The following RPS6KA4 variants were observed in gnomAD, a reference collection of about 807,000 sequenced individuals.
RPS6KA4 encodes ribosomal protein S6 kinase alpha-4.
In RPS6KA4, 38 loss-of-function variants were observed where a neutral mutation model predicts 89.6. The ratio of observed to expected loss-of-function variants is 0.42; its 90% CI spans 0.33 to 0.56. The LOEUF (loss-of-function observed/expected upper bound fraction) is 0.56, where lower values mean the gene tolerates loss of function less well. Among genes scored for constraint, RPS6KA4 ranks in the 20% least tolerant of loss-of-function variants. The pLI is 0.07. For missense variants in RPS6KA4, 873 were observed against 1,098.8 expected, an observed-to-expected ratio of 0.79 and a Z score of 2.90; for synonymous variants, 495 against 492.8, an observed-to-expected ratio of 1.00 and a Z score of -0.06.
chr11:64,359,228 C>T lies in RPS6KA4; in HGVS notation c.-8C>T, dbSNP rs527580758. The T allele has an allele frequency of 1.3e-5, 17 of 1,354,046 alleles. No homozygotes were observed. The Admixed American group carries it at 3.1e-4, about 25-fold the overall frequency. 83.9% of individuals were successfully genotyped at this position (1,354,046 alleles called of 1,614,324 possible). On this transcript the variant is annotated 5_prime_UTR_variant, in exon 1 of 17. Transcript: ENST00000334205. Reference sequence around the variant, plus strand: ...CCGAGCCGCGCGGGCCCCAGCGACCCGCCCGCCATGGGGGACGAGGACGAC... The same window carrying T: ...CCGAGCCGCGCGGGCCCCAGCGACCTGCCCGCCATGGGGGACGAGGACGAC...
Position 64,368,739 on chromosome 11 carries a change from T to A in RPS6KA4, c.1370T>A (p.Leu457Gln). The A allele has an allele frequency of 4.4e-6, 7 of 1,574,906 alleles. No individual in the cohort carries two copies. Among genetic ancestry groups the A allele is most frequent in the Non-Finnish European group, 6.0e-6 (7 of 1,160,678 alleles). ...EANTQREVAALRLCQSHPNVV... is the reference protein window; with the variant it reads ...EANTQREVAAQRLCQSHPNVV... ...AACACGCAGCGCGAAGTGGCTGCCCTGCGCCTGTGCCAGTCACACCCCAAC... is the reference window on the plus strand; with the variant it reads ...AACACGCAGCGCGAAGTGGCTGCCCAGCGCCTGTGCCAGTCACACCCCAAC... The change falls in exon 12 of 17, where the codon CTG becomes CAG. Residue 457 changes from leucine to glutamine, a missense_variant. This residue lies in a region of RPS6KA4 where 542 missense variants were observed against 736.4 expected (regional missense o/e 0.74). Transcript: ENST00000334205.
chr11:64,359,578 C>T lies in RPS6KA4; in HGVS notation c.127+129C>T, dbSNP rs1591308331. Reference sequence around the variant, plus strand: ...CCTTTCCCGGCACAGCCTGCCTTGCCTGCCCCGCCCTGCCTCGCCAGAGTT... The same window carrying T: ...CCTTTCCCGGCACAGCCTGCCTTGCTTGCCCCGCCCTGCCTCGCCAGAGTT... On this transcript the variant is annotated intron_variant, in intron 2 of 16. Transcript: ENST00000334205. 2.0e-5 allele frequency: 18 copies of T among 905,590 alleles called. No individual in the cohort carries two copies. In the East Asian group the frequency reaches 4.8e-4, roughly 24 times the overall value. The allele number at this position is 905,590 out of a possible 1,614,324, so 56.1% of individuals were successfully genotyped here.
At position 64,371,848 on chromosome 11, in the gene RPS6KA4, T is replaced by G; in HGVS notation, c.*368T>G. On this transcript the variant is annotated 3_prime_UTR_variant, in exon 17 of 17. Transcript: ENST00000334205. ...TCCTAAACTGGGACCCCCTACCCTG[T>G]TCTCCCCTGAGGCCCCGTTCCTGGG... 5.7e-6 allele frequency: 1 copy of G among 175,372 alleles called. No homozygotes were observed. Among genetic ancestry groups the G allele is most frequent in the Non-Finnish European group, 1.2e-5 (1 of 83,560 alleles). The allele number at this position is 175,372 out of a possible 1,614,324, so 10.9% of individuals were successfully genotyped here. A position where few individuals can be genotyped will look rare whatever the true frequency, so the allele number is the denominator to read the frequency against.
chr11:64,364,129 A>G (rs966477043), intron 8 of RPS6KA4, among the ~76,000 whole-genome samples: 2 of 148,382 alleles, frequency 1.3e-5, no homozygotes, highest in African/African-American at 5.0e-5. Context: ...CAGGAATCCA[A>G]ACTCTTCCTC....
In RPS6KA4 at chr11:64,361,281, T is replaced by A. The variant is rs1482037447; in HGVS notation, c.570+40T>A. The A allele has an allele frequency of 6.4e-7, 1 of 1,553,890 alleles. No homozygotes were observed. The highest frequency in any genetic ancestry group is 1.7e-5 in the Admixed American group (1 of 59,242). ...CCTCTGCCTGCAGTGCCCCATTCAA[T>A]CCTTCTCCTTCCTGCCTCTTCCTGC... is the stretch of plus-strand genomic sequence containing the variant. On this transcript the variant is annotated intron_variant, in intron 5 of 16. Coordinates refer to ENST00000334205, the MANE Select transcript of RPS6KA4 (RefSeq NM_003942.3). The surrounding 1 kb of genome is among the most constrained non-coding windows in gnomAD (Gnocchi z 4.7).
At chr11:64,360,100 C>A (rs2036702167) in intron 2 of RPS6KA4, 63 bp from the exon 3 acceptor site, 1 of 1,456,674 alleles carries the variant, frequency 6.9e-7, no homozygotes, top group African/African-American at 1.4e-5. Flanking sequence ...TCGCCCCCAC[C>A]CCCCAAGCCT....
chr11:64,368,935 A>T, intron 12 of RPS6KA4, 138 bp downstream of exon 12: 4 of 793,738 alleles, frequency 5.0e-6, no homozygotes, highest in East Asian at 5.4e-5. Context: ...AGGGAGGCGC[A>T]GGGAGTGGAA....
Position 64,370,731 on chromosome 11 carries a change from G to C in RPS6KA4, c.2121+5G>C. 1 of 1,539,706 alleles carries C rather than the reference G, an allele frequency of 6.5e-7. No individual in the cohort carries two copies. The highest frequency in any genetic ancestry group is 8.7e-7 in the Non-Finnish European group (1 of 1,144,522). ...GGTCTCAACGCCACCTTCATGGTAA[G>C]GGGCAGGGTCTGTTGAAGGGAAGGG... On this transcript the variant is annotated splice_donor_5th_base_variant and intron_variant, in intron 16 of 16. Coordinates refer to ENST00000334205, the MANE Select transcript of RPS6KA4 (RefSeq NM_003942.3). This position sits in a 1 kb window ranked among gnomAD's most constrained non-coding sequence, Gnocchi z 4.1.
Position 64,371,571 on chromosome 11 carries a change from C to A in RPS6KA4, c.*91C>A, listed in dbSNP as rs1466229365. On this transcript the variant is annotated 3_prime_UTR_variant, in exon 17 of 17. Coordinates refer to ENST00000334205, the MANE Select transcript of RPS6KA4 (RefSeq NM_003942.3). ...GGCCTCTGCCTGCGGCTGACCTGAT[C>A]CCCAAGGGACTGTCCTTTCCTCTCC... The A allele has an allele frequency of 4.9e-6, 3 of 606,662 alleles. No homozygotes were observed. The highest frequency in any genetic ancestry group is 8.8e-6 in the Non-Finnish European group (3 of 342,388). 37.6% of individuals were successfully genotyped at this position (606,662 alleles called of 1,614,324 possible). A position where few individuals can be genotyped will look rare whatever the true frequency, so the allele number is the denominator to read the frequency against.
Position 64,361,157 on chromosome 11 carries a change from G to A in RPS6KA4, c.486G>A (p.Leu162=), listed in dbSNP as rs773628703. The change falls in exon 5 of 17, where the codon CTG becomes CTA. Residue 162 remains leucine (L), a synonymous_variant. Transcript: ENST00000334205. The surrounding 1 kb of genome is among the most constrained non-coding windows in gnomAD (Gnocchi z 4.7). ...AGCTCGGCATCATTTACCGAGACCTGAAACTGGAGAATGTGCTGCTGGACT... is the reference window on the plus strand; with the variant it reads ...AGCTCGGCATCATTTACCGAGACCTAAAACTGGAGAATGTGCTGCTGGACT... ...LHKLGIIYRD[L]KLENVLLDSE... 16 of 1,613,186 alleles carry A rather than the reference G, an allele frequency of 9.9e-6. No homozygotes were observed. In the African/African-American group the frequency reaches 2.0e-4, roughly 20 times the overall value.
chr11:64,368,661 G>T, intron 11 of RPS6KA4, 43 bp from the exon 12 acceptor site: 1 of 1,572,914 alleles, frequency 6.4e-7, no homozygotes. Context: ...CGGGGGCGGG[G>T]CCGAAGCGCG....
intron 10 of RPS6KA4, 80 bp from the exon 11 acceptor site, chr11:64,368,388 G>A: frequency 6.5e-7 from 1 of 1,539,790 alleles, no homozygotes; most frequent in Non-Finnish European, 8.7e-7. Context: ...TCTCCGACAT[G>A]GGGCGTGGCG....
At position 64,370,164 on chromosome 11, in the gene RPS6KA4, C is replaced by A. The variant is rs2037019933; in HGVS notation, c.1798-61C>A. 12 of 1,491,996 alleles carry A rather than the reference C, an allele frequency of 8.0e-6. No individual in the cohort carries two copies. 92.4% of individuals were successfully genotyped at this position (1,491,996 alleles called of 1,614,324 possible). A position where few individuals can be genotyped will look rare whatever the true frequency, so the allele number is the denominator to read the frequency against. The stretch of plus-strand genomic sequence containing the variant: ...GGGAGGGTGAGTGGTTCTGTGGGAG[C>A]GGAGGGGTCAGCCTCGGCACCCCAG... On this transcript the variant is annotated intron_variant, in intron 14 of 16. Coordinates refer to ENST00000334205, the MANE Select transcript of RPS6KA4 (RefSeq NM_003942.3). The surrounding 1 kb of genome is among the most constrained non-coding windows in gnomAD (Gnocchi z 4.1).
At chr11:64,365,559 G>A in intron 9 of RPS6KA4, 94 bp downstream of exon 9, 1 of 1,419,624 alleles carries the variant, frequency 7.0e-7, no homozygotes, top group East Asian at 2.3e-5. Flanking sequence ...CCTAGGCCTT[G>A]TGTCCTGATT....
intron 9 of RPS6KA4, among the ~76,000 whole-genome samples, chr11:64,366,386 G>T (rs1264423961): frequency 2.0e-5 from 3 of 152,120 alleles, no homozygotes; most frequent in African/African-American, 7.2e-5. Context: ...GGCCTGGATG[G>T]TCTCAATCTC....
rs1350738987 is a variant in RPS6KA4, at chr11:64,371,896, T to C, written c.*416T>C. Reference sequence around the variant, plus strand: ...GGGAGGGGCACCCCTCAACTGTCACTTTATGGACTGTCTGTGCAATTACGT... The same window carrying C: ...GGGAGGGGCACCCCTCAACTGTCACCTTATGGACTGTCTGTGCAATTACGT... On this transcript the variant is annotated 3_prime_UTR_variant, in exon 17 of 17. Transcript: ENST00000334205. The C allele has an allele frequency of 6.2e-6, 1 of 160,260 alleles. No homozygotes were observed. The highest frequency in any genetic ancestry group is 1.4e-5 in the Non-Finnish European group (1 of 73,560). 9.9% of individuals were successfully genotyped at this position (160,260 alleles called of 1,614,324 possible).
Position 64,361,887 on chromosome 11 carries a change from G to A in RPS6KA4, c.791G>A (p.Arg264Gln), listed in dbSNP as rs779918376. Residue 264 changes from arginine (R) to glutamine (Q), a missense_variant, in exon 8 of 17, where the codon CGG (arginine) becomes CAG (glutamine). Arg to Gln is a conservative substitution (Grantham distance 43, BLOSUM62 1). Transcript: ENST00000334205. This position sits in a 1 kb window ranked among gnomAD's most constrained non-coding sequence, Gnocchi z 4.7. ...ILKCSPPFPP[R>Q]IGPVAQDLLQ... is the part of the protein sequence containing the mutation. ...AAGTGCTCCCCTCCCTTCCCCCCTC[G>A]GATCGGGCCCGTGGCGCAGGACCTG... is the stretch of plus-strand genomic sequence containing the variant. 4.3e-6 allele frequency: 7 copies of A among 1,612,940 alleles called. No homozygotes were observed. In the South Asian group the frequency reaches 4.4e-5, roughly 10 times the overall value.
At position 64,371,505 on chromosome 11, in the gene RPS6KA4, C is replaced by T. The variant is rs1184781237; in HGVS notation, c.*25C>T. 1 of 920,412 alleles carries T rather than the reference C, an allele frequency of 1.1e-6. No homozygotes were observed. The highest frequency in any genetic ancestry group is 1.7e-6 in the Non-Finnish European group (1 of 602,544). The allele number at this position is 920,412 out of a possible 1,614,324, so 57.0% of individuals were successfully genotyped here. ...ATCCCCACCACTGTGACCCCCTTCC[C>T]TCATAGGGGCTGTGACCTGGGAGCC... On this transcript the variant is annotated 3_prime_UTR_variant, in exon 17 of 17. Transcript: ENST00000334205.
rs1213606216 is a variant in RPS6KA4 at position 64,371,165 on chromosome 11, A to G, written c.2122-118A>G. 4 of 888,802 alleles carry G rather than the reference A, an allele frequency of 4.5e-6. No homozygotes were observed. In the African/African-American group the frequency reaches 5.2e-5, roughly 12 times the overall value. The allele number at this position is 888,802 out of a possible 1,614,324, so 55.1% of individuals were successfully genotyped here. ...AATCCGGTGGTCGGTCTGGAGGCCA[A>G]GGCCCTGTCGGCCTTGACCTAGGCG... is the stretch of plus-strand genomic sequence containing the variant. On this transcript the variant is annotated intron_variant, in intron 16 of 16. Coordinates refer to ENST00000334205, the MANE Select transcript of RPS6KA4 (RefSeq NM_003942.3).
Sources: gnomAD v4.1 joint callset for allele counts (sites outside exome capture counted in the v4.1 genomes callset) on GRCh38, gnomAD v4.1.1 for gene constraint, gnomAD v4.1.1 regional missense constraint, Gnocchi (gnomAD v3.1) non-coding constraint, MANE v1.5 for transcripts, NCBI Gene and HGNC (gene_info 2026-07-23, HGNC 2026-07-21) for gene names.